The following MDM4 variants were observed in gnomAD, a reference collection of about 807,000 sequenced individuals.
The protein encoded by MDM4 is protein Mdm4.
In MDM4, 2 loss-of-function variants were observed where a neutral mutation model predicts 60.2. The ratio of observed to expected loss-of-function variants is 0.03; its 90% CI spans 0.01 to 0.10. The LOEUF is 0.10. Ranked by LOEUF, MDM4 falls within the 10% of genes least tolerant of loss-of-function variation. The probability of loss-of-function intolerance (pLI) is 1.00; values close to 1 mark genes in which losing one functional copy is unlikely to be tolerated. For missense variants in MDM4, 447 were observed against 577.5 expected, an observed-to-expected ratio of 0.77 and a Z score of 2.32; for synonymous variants, 202 against 198.1, an observed-to-expected ratio of 1.02 and a Z score of -0.17.
Position 204,553,904 on chromosome 1 carries a change from A to G in MDM4, c.*4222A>G, listed in dbSNP as rs143013943. On this transcript the variant is annotated 3_prime_UTR_variant, in exon 11 of 11. Transcript: ENST00000367182. ...GGGTTTCTAATCCTAGGCTTGTACAATGGATTGGAGTTGAGCCATGCCAGC... is the reference window on the plus strand; with the variant it reads ...GGGTTTCTAATCCTAGGCTTGTACAGTGGATTGGAGTTGAGCCATGCCAGC... 4.0e-3 allele frequency: 903 copies of G among 223,980 alleles called. 6 individuals are homozygous for G. The highest frequency in any genetic ancestry group is 0.018 in the African/African-American group (820 of 44,974). The allele number at this position is 223,980 out of a possible 1,614,324, so 13.9% of individuals were successfully genotyped here.
Position 204,551,354 on chromosome 1 carries a change from G to A in MDM4, c.*1672G>A, listed in dbSNP as rs909823079. On this transcript the variant is annotated 3_prime_UTR_variant, in exon 11 of 11. Transcript: ENST00000367182. The stretch of plus-strand genomic sequence containing the variant: ...AGCTACTGCCCCCTACCCTCTTTGC[G>A]TCTTAGGAGTCATTTAGATTTTTTT... The A allele has an allele frequency of 7.0e-5, 16 of 230,052 alleles. No homozygotes were observed. The highest frequency in any genetic ancestry group is 2.0e-4 in the African/African-American group (9 of 44,882). 14.3% of individuals were successfully genotyped at this position (230,052 alleles called of 1,614,324 possible).
intron 5 of MDM4, chr1:204,536,892 A>G: frequency 2.6e-6 from 1 of 381,298 alleles, no homozygotes; most frequent in Non-Finnish European, 5.1e-6. Context: ...GGGAATTTAA[A>G]CCATAAAATT....
intron 8 of MDM4, 96 bp downstream of exon 8, chr1:204,543,040 T>G: frequency 9.3e-7 from 1 of 1,076,726 alleles, no homozygotes; most frequent in Non-Finnish European, 1.3e-6. Context: ...CTAAGAATTC[T>G]TATTTACTCC....
rs1663240547 is a variant in MDM4 at position 204,551,934 on chromosome 1, TG to T, written c.*2254del. 1 of 184,156 alleles carries T rather than the reference TG, an allele frequency of 5.4e-6. No homozygotes were observed. The highest frequency in any genetic ancestry group is 1.1e-5 in the Non-Finnish European group (1 of 87,496). 11.4% of individuals were successfully genotyped at this position (184,156 alleles called of 1,614,324 possible). On this transcript the variant is annotated 3_prime_UTR_variant, in exon 11 of 11. Transcript: ENST00000367182. Reference sequence around the variant, plus strand: ...GTCCACAATGGAAGAAGAATTGTCTTGGACCACACATAAAATACACTAACAC... The same window carrying T: ...GTCCACAATGGAAGAAGAATTGTCTTGACCACACATAAAATACACTAACAC...
chr1:204,543,881 T>A (rs1662381198), intron 8 of MDM4, among the ~76,000 whole-genome samples: 1 of 152,234 alleles, frequency 6.6e-6, no homozygotes, highest in South Asian at 2.1e-4. Flanking sequence ...TATTCACTAC[T>A]TTTTCCATTA....
intron 7 of MDM4, among the ~76,000 whole-genome samples, chr1:204,541,037 C>T (rs1322222322): frequency 6.6e-6 from 1 of 152,116 alleles, no homozygotes; most frequent in East Asian, 1.9e-4. Context: ...TTTGGTCTAC[C>T]TAGTTACTTT....
intron 5 of MDM4, chr1:204,536,994 C>G (rs1378164634): frequency 9.5e-5 from 33 of 348,732 alleles, no homozygotes; most frequent in Admixed American, 2.3e-4. Context: ...TCCCATAACC[C>G]TGTATGACTT....
intron 3 of MDM4, chr1:204,529,682 A>G (rs1183508059): frequency 5.1e-6 from 3 of 586,740 alleles, no homozygotes; most frequent in South Asian, 2.6e-5. Context: ...CCGCCCATAC[A>G]GATAGCTGGC....
chr1:204,530,151 C>T (rs951146709), intron 3 of MDM4, among the ~76,000 whole-genome samples: 1 of 152,194 alleles, frequency 6.6e-6, no homozygotes, highest in Non-Finnish European at 1.5e-5. Flanking sequence ...GCTGGGATTA[C>T]AGGTGTGAAC....
rs756552616 is a variant in MDM4, at chr1:204,546,827, G to C, written c.853G>C (p.Glu285Gln). The C allele has an allele frequency of 3.7e-6, 6 of 1,613,140 alleles. No individual in the cohort carries two copies. The highest frequency in any genetic ancestry group is 5.1e-6 in the Non-Finnish European group (6 of 1,179,286). The change falls in exon 10 of 11, where the codon GAG (glutamate) becomes CAG (glutamine). Residue 285 changes from glutamate to glutamine, a missense_variant. This residue lies in a region of MDM4 where 184 missense variants were observed against 179.3 expected (regional missense o/e 1.03). Coordinates refer to ENST00000367182, the MANE Select transcript of MDM4 (RefSeq NM_002393.5). Reference protein sequence around the residue: ...VIEVGKNDDLEDSKSLSDDTD... With the variant: ...VIEVGKNDDLQDSKSLSDDTD... ...TGAAGTGGGAAAAAATGATGACCTGGAGGACTCTAAGTCCTTAAGTGATGA... is the reference window on the plus strand; with the variant it reads ...TGAAGTGGGAAAAAATGATGACCTGCAGGACTCTAAGTCCTTAAGTGATGA...
chr1:204,546,792 C>T lies in MDM4; in HGVS notation c.823-5C>T. On this transcript the variant is annotated splice_polypyrimidine_tract_variant and splice_region_variant and intron_variant, in intron 9 of 10. Coordinates refer to ENST00000367182, the MANE Select transcript of MDM4 (RefSeq NM_002393.5). ...ATTACTAATGAGATGTTTTTGCCTT[C>T]ACAGGTGATTGAAGTGGGAAAAAAT... 1 of 1,606,122 alleles carries T rather than the reference C, an allele frequency of 6.2e-7. No homozygotes were observed.
chr1:204,549,375 G>T lies in MDM4; in HGVS notation c.1166G>T (p.Cys389Phe). ...GAAAACTCCAAACTTTTTGATCCCT[G>T]CAACTCAGTGGAATTCTTGGATTTG... is the stretch of plus-strand genomic sequence containing the variant. ...KKENSKLFDP[C>F]NSVEFLDLAH... Residue 389 changes from cysteine to phenylalanine, a missense_variant, in exon 11 of 11, where the codon TGC becomes TTC. By Grantham distance (205) the Cys-to-Phe change is radical. Around this residue, in one of 8 missense-constraint regions of MDM4, gnomAD observed 117 missense variants for 114.5 expected, o/e 1.02. Transcript: ENST00000367182. The T allele has an allele frequency of 6.2e-7, 1 of 1,614,084 alleles. No homozygotes were observed. Among genetic ancestry groups the T allele is most frequent in the African/African-American group, 1.3e-5 (1 of 75,028 alleles).
chr1:204,544,364 A>C (rs1179790034), intron 8 of MDM4, among the ~76,000 whole-genome samples, 171 bp from the exon 9 acceptor site: 1 of 152,226 alleles, frequency 6.6e-6, no homozygotes, highest in African/African-American at 2.4e-5. Flanking sequence ...GTTTATCCAC[A>C]GTAGGTGTCA....
chr1:204,534,739 T>G (rs1661222929), intron 5 of MDM4, among the ~76,000 whole-genome samples: 1 of 152,070 alleles, frequency 6.6e-6, no homozygotes, highest in African/African-American at 2.4e-5. Flanking sequence ...CGATCCCCCT[T>G]CTTCGGCCTC....
intron 1 of MDM4, among the ~76,000 whole-genome samples, chr1:204,520,200 C>T (rs954399803): frequency 4.6e-5 from 7 of 151,484 alleles, no homozygotes; most frequent in African/African-American, 1.7e-4. Context: ...TGGCATGAAC[C>T]CCGGGGGGTG....
At chr1:204,540,319 C>T (rs943407006) in intron 7 of MDM4, among the ~76,000 whole-genome samples, 10 of 151,808 alleles carry the variant, frequency 6.6e-5, no homozygotes, top group African/African-American at 2.4e-4. Context: ...GGGTCCCATC[C>T]CCAGGATATC....
At chr1:204,518,683 G>C (rs1048000959) in intron 1 of MDM4, among the ~76,000 whole-genome samples, 2 of 152,176 alleles carry the variant, frequency 1.3e-5, no homozygotes, top group Non-Finnish European at 2.9e-5. Context: ...CTTTCACTCA[G>C]ATGGCTTTAG....
At position 204,524,646 on chromosome 1, in the gene MDM4, G is replaced by A. The variant is rs184065929; in HGVS notation, c.-35-838G>A. ...ACAATAATGAGCTGGGCGTGGTGGCGTGTGCCTGTAATCCCAGCTACTCAG... is the reference window on the plus strand; with the variant it reads ...ACAATAATGAGCTGGGCGTGGTGGCATGTGCCTGTAATCCCAGCTACTCAG... On this transcript the variant is annotated intron_variant, in intron 1 of 10. Transcript: ENST00000367182. 2.0e-4 allele frequency among the ~76,000 whole-genome samples: 30 copies of A among 152,248 alleles called. No homozygotes were observed. In the East Asian group the frequency reaches 4.9e-3, roughly 25 times the overall value.
intron 1 of MDM4, among the ~76,000 whole-genome samples, chr1:204,524,178 G>A (rs1019567828): frequency 1.3e-5 from 2 of 152,168 alleles, no homozygotes; most frequent in African/African-American, 4.8e-5. Context: ...AAAGAACAGG[G>A]GAGCTGAACA....
Sources: gnomAD v4.1 joint callset for allele counts (sites outside exome capture counted in the v4.1 genomes callset) on GRCh38, gnomAD v4.1.1 for gene constraint, gnomAD v4.1.1 regional missense constraint, MANE v1.5 for transcripts, NCBI Gene and HGNC (gene_info 2026-07-23, HGNC 2026-07-21) for gene names.